The following SCP2 variants were observed in gnomAD, a reference collection of about 807,000 sequenced individuals.
The protein encoded by SCP2 is sterol carrier protein 2.
SCP2 carries 48 observed loss-of-function variants against 71.4 expected under a neutral mutation model. The observed-to-expected ratio is 0.67, with a 90% CI of 0.53 to 0.86. The LOEUF (loss-of-function observed/expected upper bound fraction) is 0.86. Ranked by LOEUF, SCP2 falls within the 40% of genes least tolerant of loss-of-function variation. The pLI is 0.00. For synonymous variants in SCP2, 220 were observed against 218.1 expected, an observed-to-expected ratio of 1.01 and a Z score of -0.08; for missense variants, 560 against 655.6, an observed-to-expected ratio of 0.85 and a Z score of 1.59.
chr1:52,981,231 C>T lies in SCP2; in HGVS notation c.973+688C>T, dbSNP rs138054379. ...ATAGGCGTGAGCCACTGCGCCCAGC[C>T]GTGATAATGTATTTTTTAAAATCTA... On this transcript the variant is annotated intron_variant, in intron 10 of 15. Coordinates refer to ENST00000371514, the MANE Select transcript of SCP2 (RefSeq NM_002979.5). 4.6e-3 allele frequency among the ~76,000 whole-genome samples: 707 copies of T among 152,280 alleles called. 3 individuals are homozygous for T. In the Middle Eastern group the frequency reaches 0.065, roughly 14 times the overall value.
chr1:53,014,218 C>T (rs1661182203), intron 11 of SCP2, among the ~76,000 whole-genome samples: 1 of 152,086 alleles, frequency 6.6e-6, no homozygotes, highest in East Asian at 1.9e-4. Flanking sequence ...ATAGAACATT[C>T]TTAACCCAGC....
Position 53,023,910 on chromosome 1 carries a change from A to C in SCP2, c.1236-4059A>C, listed in dbSNP as rs1433416147. On this transcript the variant is annotated intron_variant, in intron 12 of 15. Transcript: ENST00000371514. ...GCCTTATACTTTGTTGAGAAATAGA[A>C]GCCATTAAACCCAAACTTCCTCAAC... Among the ~76,000 whole-genome samples, 9 of 152,138 alleles carry C rather than the reference A, an allele frequency of 5.9e-5. 1 individual carries two copies. The highest frequency in any genetic ancestry group is 2.2e-4 in the African/African-American group (9 of 41,414).
At chr1:52,944,943 G>C (rs1404587062) in intron 2 of SCP2, among the ~76,000 whole-genome samples, 1 of 151,868 alleles carries the variant, frequency 6.6e-6, no homozygotes, top group Admixed American at 6.6e-5. Flanking sequence ...CACCGTGTCT[G>C]GCCTGCTGTT....
chr1:52,997,160 ATTTATT>A (rs1659992363), intron 11 of SCP2, among the ~76,000 whole-genome samples: 1 of 152,116 alleles, frequency 6.6e-6, no homozygotes, highest in Non-Finnish European at 1.5e-5. Flanking sequence ...AATGTGGTAT[ATTTATT>A]TTTATTTTTT....
Position 53,047,897 on chromosome 1 carries a change from A to T in SCP2, c.1508A>T (p.Asp503Val). 6.2e-7 allele frequency: 1 copy of T among 1,613,702 alleles called. No homozygotes were observed. Among genetic ancestry groups the T allele is most frequent in the Non-Finnish European group, 8.5e-7 (1 of 1,179,582 alleles). The stretch of plus-strand genomic sequence containing the variant: ...TGCACAATCACAATGGCTGACTCAG[A>T]CTTCCTGGCTTTAATGACTGGTAAA... ...ADCTITMADSDFLALMTGKMN... is the reference protein window; with the variant it reads ...ADCTITMADSVFLALMTGKMN... Residue 503 changes from aspartate to valine, a missense_variant, in exon 15 of 16, where the codon GAC (aspartate) becomes GTC (valine). Transcript: ENST00000371514.
At chr1:52,986,042 T>C (rs1658954517) in intron 10 of SCP2, among the ~76,000 whole-genome samples, 1 of 128,232 alleles carries the variant, frequency 7.8e-6, no homozygotes, top group African/African-American at 4.6e-5. Context: ...TCCATGATAG[T>C]AGGGATTTTC....
At chr1:53,024,924 T>TC (rs1426515190) in intron 12 of SCP2, among the ~76,000 whole-genome samples, 3 of 151,108 alleles carry the variant, frequency 2.0e-5, no homozygotes, top group Admixed American at 1.3e-4. Flanking sequence ...GTCATCTTTA[T>TC]CCCCCCCACC....
chr1:52,963,367 A>G (rs1317822549), intron 6 of SCP2, among the ~76,000 whole-genome samples: 1 of 151,634 alleles, frequency 6.6e-6, no homozygotes, highest in Non-Finnish European at 1.5e-5. Context: ...AACCAGAAAG[A>G]AGTTTTTTTT....
intron 6 of SCP2, among the ~76,000 whole-genome samples, chr1:52,966,711 C>G (rs1435813988): frequency 1.3e-5 from 2 of 150,712 alleles, no homozygotes; most frequent in African/African-American, 4.9e-5. Context: ...TGGCGAAACC[C>G]CATTTCTACT....
intron 12 of SCP2, among the ~76,000 whole-genome samples, chr1:53,026,348 CA>C (rs1662130145): frequency 6.6e-6 from 1 of 152,174 alleles, no homozygotes. Flanking sequence ...ACTCCTGTTT[CA>C]AAGTACTTGG....
At position 53,039,766 on chromosome 1, in the gene SCP2, A is replaced by G. The variant is rs1168168080; in HGVS notation, c.1468+720A>G. 2.0e-4 allele frequency among the ~76,000 whole-genome samples: 30 copies of G among 152,204 alleles called. 1 individual carries two copies. Among genetic ancestry groups the G allele is most frequent in the Admixed American group, 2.0e-3 (30 of 15,278 alleles). On this transcript the variant is annotated intron_variant, in intron 14 of 15. Transcript: ENST00000371514. ...TTTGCCTTAATTCCTTGGGGATCTTAACTAGTCCCATGCTTTGAAACAGTT... is the reference window on the plus strand; with the variant it reads ...TTTGCCTTAATTCCTTGGGGATCTTGACTAGTCCCATGCTTTGAAACAGTT...
intron 2 of SCP2, 114 bp from the exon 3 acceptor site, chr1:52,947,895 T>A: frequency 2.7e-6 from 2 of 733,074 alleles, no homozygotes; most frequent in Non-Finnish European, 5.0e-6. Context: ...GTCATTTGAA[T>A]TGAGCATAGA....
chr1:53,006,319 C>T (rs951176902), intron 11 of SCP2, among the ~76,000 whole-genome samples: 3 of 152,114 alleles, frequency 2.0e-5, no homozygotes, highest in South Asian at 2.1e-4. Context: ...CTCCAAGACA[C>T]GTAATTGTCA....
At chr1:52,946,156 TG>T (rs1245857452) in intron 2 of SCP2, among the ~76,000 whole-genome samples, 1 of 152,106 alleles carries the variant, frequency 6.6e-6, no homozygotes, top group Non-Finnish European at 1.5e-5. Context: ...CTTGAGGTCC[TG>T]GGCTCAAGGA....
chr1:53,033,256 G>C (rs1430835140), intron 13 of SCP2, among the ~76,000 whole-genome samples: 2 of 152,152 alleles, frequency 1.3e-5, no homozygotes, highest in African/African-American at 4.8e-5. Flanking sequence ...TTAGTCCTAA[G>C]ACCCATGTCT....
chr1:52,968,883 AT>A (rs796603708), intron 6 of SCP2, among the ~76,000 whole-genome samples: 53 of 152,200 alleles, frequency 3.5e-4, no homozygotes, highest in African/African-American at 1.3e-3. Flanking sequence ...ATTTACACAT[AT>A]TTTTTATGTT....
intron 13 of SCP2, among the ~76,000 whole-genome samples, chr1:53,037,972 C>G (rs1663132259): frequency 7.4e-6 from 1 of 134,566 alleles, no homozygotes; most frequent in African/African-American, 3.1e-5. Flanking sequence ...CACACACACA[C>G]ACACACACAC....
intron 15 of SCP2, chr1:53,048,248 ATC>A (rs771110243): frequency 1.6e-5 from 6 of 372,418 alleles, no homozygotes; most frequent in Non-Finnish European, 2.6e-5. Context: ...GAGCAGCCAT[ATC>A]TCTCTGGGCC....
chr1:52,998,099 T>C (rs1166538443), intron 11 of SCP2, among the ~76,000 whole-genome samples: 1 of 152,254 alleles, frequency 6.6e-6, no homozygotes, highest in Non-Finnish European at 1.5e-5. Context: ...TATTGCCAAG[T>C]AGTATTCTAT....
Sources: gnomAD v4.1 joint callset for allele counts (sites outside exome capture counted in the v4.1 genomes callset) on GRCh38, gnomAD v4.1.1 for gene constraint, MANE v1.5 for transcripts, NCBI Gene and HGNC (gene_info 2026-07-23, HGNC 2026-07-21) for gene names.